Variants in RNF17 observed in about 807,000 individuals in gnomAD.
RNF17 encodes ring finger protein 17.
RNF17 carries 31 observed loss-of-function variants against 200.5 expected under a neutral mutation model. The observed-to-expected ratio is 0.15, with a 90% CI of 0.12 to 0.21. The LOEUF (loss-of-function observed/expected upper bound fraction) is 0.21, where lower values mean the gene tolerates loss of function less well. Among genes scored for constraint, RNF17 ranks in the 10% least tolerant of loss-of-function variants. The pLI is 1.00. For missense variants in RNF17, 1,628 were observed against 1,905.1 expected, an observed-to-expected ratio of 0.85 and a Z score of 2.71; for synonymous variants, 606 against 637.8, an observed-to-expected ratio of 0.95 and a Z score of 0.75.
At chr13:24,777,347 A>T (rs186970402) in intron 3 of RNF17, among the ~76,000 whole-genome samples, 29 of 152,358 alleles carry the variant, frequency 1.9e-4, no homozygotes, top group African/African-American at 6.5e-4. Flanking sequence ...AACACTAGTT[A>T]CTGTGTGCTA....
Position 24,877,038 on chromosome 13 carries a change from G to A in RNF17, c.4625G>A (p.Arg1542Gln), listed in dbSNP as rs757325577. Residue 1542 changes from arginine (R) to glutamine (Q), a missense_variant, in exon 34 of 36, where the codon CGA becomes CAA. Physicochemically the swap from Arg to Gln is conservative, Grantham distance 43. This residue lies in a region of RNF17 where 609 missense variants were observed against 681.9 expected (regional missense o/e 0.89). Transcript: ENST00000255324. ...TCTCATCTTATGCGGTATCCAGCTC[G>A]AGCCATAAAGGTTCTCTTGGCAGGG... is the stretch of plus-strand genomic sequence containing the variant. Reference protein sequence around the residue: ...IPSHLMRYPARAIKVLLAGFK... With the variant: ...IPSHLMRYPAQAIKVLLAGFK... 9.3e-6 allele frequency: 15 copies of A among 1,611,370 alleles called. No individual in the cohort carries two copies. Among genetic ancestry groups the A allele is most frequent in the Admixed American group, 5.1e-5 (3 of 59,262 alleles).
At chr13:24,753,370 T>A in the RNF17 span, among the ~76,000 whole-genome samples, 1 of 152,164 alleles carries the variant, frequency 6.6e-6, no homozygotes, top group Non-Finnish European at 1.5e-5. Context: ...ATAAACAATC[T>A]AGCATCACAC....
chr13:24,792,501 G>A (rs1035466843), intron 9 of RNF17, among the ~76,000 whole-genome samples: 7 of 152,128 alleles, frequency 4.6e-5, no homozygotes, highest in Admixed American at 2.6e-4. Context: ...TTATGACACC[G>A]GAGCTGATTA....
chr13:24,868,973 T>G, intron 31 of RNF17, among the ~76,000 whole-genome samples: 1 of 152,210 alleles, frequency 6.6e-6, no homozygotes, highest in Non-Finnish European at 1.5e-5. Flanking sequence ...TATTTAGATT[T>G]TTAAGGTGGA....
At chr13:24,764,401 G>T (rs532870130) in intron 1 of RNF17, 68 bp downstream of exon 1, 2 of 1,493,120 alleles carry the variant, frequency 1.3e-6, no homozygotes, top group South Asian at 2.6e-5. Flanking sequence ...CAGGTGAGCT[G>T]GTGGGCGCGT....
upstream of RNF17, among the ~76,000 whole-genome samples, chr13:24,761,621 C>A (rs1878748066): frequency 6.6e-6 from 1 of 152,212 alleles, no homozygotes; most frequent in Admixed American, 6.5e-5. Context: ...GGTAGAGAGG[C>A]AGGCAGAGGG....
chr13:24,754,197 A>G, the RNF17 span, among the ~76,000 whole-genome samples: 1 of 152,030 alleles, frequency 6.6e-6, no homozygotes, highest in Non-Finnish European at 1.5e-5. Flanking sequence ...ATAAATAGAA[A>G]AAAAGGAAAA....
chr13:24,789,218 GC>G (rs966473674), intron 7 of RNF17, 129 bp from the exon 8 acceptor site: 30 of 619,668 alleles, frequency 4.8e-5, no homozygotes, highest in Non-Finnish European at 6.5e-5. Context: ...CCCTTTGAGT[GC>G]CCCAAATTGA....
At chr13:24,827,824 T>G (rs1210282386) in intron 16 of RNF17, among the ~76,000 whole-genome samples, 1 of 150,898 alleles carries the variant, frequency 6.6e-6, no homozygotes, top group Non-Finnish European at 1.5e-5. Flanking sequence ...TCCAAGATGG[T>G]GCCTTGTTGC....
rs78914611 is a variant in RNF17, at chr13:24,792,549, T to C, written c.936-493T>C. 2.2e-3 allele frequency among the ~76,000 whole-genome samples: 329 copies of C among 152,280 alleles called. 3 individuals carry two copies. Among genetic ancestry groups the C allele is most frequent in the African/African-American group, 7.7e-3 (319 of 41,576 alleles). ...GTCTCAGGTCTAATAAGAATTGTTA[T>C]GAAAAGAGACATTTAGATTGCAAGG... On this transcript the variant is annotated intron_variant, in intron 9 of 35. Coordinates refer to ENST00000255324, the MANE Select transcript of RNF17 (RefSeq NM_031277.3).
intron 2 of RNF17, among the ~76,000 whole-genome samples, chr13:24,772,368 A>G (rs1363077017): frequency 6.7e-6 from 1 of 149,874 alleles, no homozygotes; most frequent in Non-Finnish European, 1.5e-5. Context: ...TATTAATTTC[A>G]TATTAGATGA....
intron 15 of RNF17, among the ~76,000 whole-genome samples, chr13:24,821,814 ATT>A (rs1313221006): frequency 1.3e-5 from 2 of 151,766 alleles, no homozygotes; most frequent in African/African-American, 4.8e-5. Context: ...TTTGATTTGC[ATT>A]TTTTTTCTGG....
intron 15 of RNF17, among the ~76,000 whole-genome samples, chr13:24,809,946 C>T (rs868788002): frequency 2.0e-5 from 3 of 151,946 alleles, no homozygotes; most frequent in Non-Finnish European, 4.4e-5. Flanking sequence ...TGTAGTTGAG[C>T]GGTTTTGAGT....
At chr13:24,836,625 G>A (rs1370014529) in intron 18 of RNF17, among the ~76,000 whole-genome samples, 1 of 152,120 alleles carries the variant, frequency 6.6e-6, no homozygotes, top group African/African-American at 2.4e-5. Context: ...ATATATGAAG[G>A]AAAGATACAG....
intron 25 of RNF17, among the ~76,000 whole-genome samples, chr13:24,857,034 C>T (rs539967853): frequency 6.6e-6 from 1 of 152,190 alleles, no homozygotes; most frequent in South Asian, 2.1e-4. Flanking sequence ...TAGATATGGA[C>T]AGGGAGAAAA....
At chr13:24,817,543 AC>A (rs1263857091) in intron 15 of RNF17, among the ~76,000 whole-genome samples, 1 of 151,492 alleles carries the variant, frequency 6.6e-6, no homozygotes. Flanking sequence ...ACATGTCAAA[AC>A]CCCATCTGTA....
At chr13:24,757,605 T>C in the RNF17 span, among the ~76,000 whole-genome samples, 1 of 152,212 alleles carries the variant, frequency 6.6e-6, no homozygotes, top group Non-Finnish European at 1.5e-5. Flanking sequence ...ATTACAGGCA[T>C]GAGCCACTGT....
chr13:24,885,810 T>TCGGAGA, the RNF17 span: 1 of 682,972 alleles, frequency 1.5e-6, no homozygotes, highest in South Asian at 1.8e-5. Context: ...TATTTTTCTT[T>TCGGAGA]ACTAATTTGT....
the RNF17 span, among the ~76,000 whole-genome samples, chr13:24,756,331 TTAG>T: frequency 1.3e-5 from 2 of 152,160 alleles, no homozygotes; most frequent in East Asian, 1.9e-4. Context: ...GCAGAAATGA[TTAG>T]TAGAAGAAAT....
Sources: gnomAD v4.1 joint callset for allele counts (sites outside exome capture counted in the v4.1 genomes callset) on GRCh38, gnomAD v4.1.1 for gene constraint, gnomAD v4.1.1 regional missense constraint, MANE v1.5 for transcripts, NCBI Gene and HGNC (gene_info 2026-07-23, HGNC 2026-07-21) for gene names.